The following ZNF777 variants were observed in gnomAD, a reference collection of about 807,000 sequenced individuals.
The protein encoded by ZNF777 is zinc finger protein 777.
ZNF777 carries 7 observed loss-of-function variants against 72.1 expected under a neutral mutation model. That is an observed-to-expected ratio of 0.10 (90% CI 0.06 to 0.18). ZNF777 has a LOEUF of 0.18. ZNF777 is among the 10% of genes least tolerant of loss of function. ZNF777 has a pLI of 1.00. For missense variants in ZNF777, 828 were observed against 1,128.6 expected (o/e 0.73, Z 3.82); for synonymous variants, 545 against 483.5 (o/e 1.13, Z -1.67).
At chr7:149,438,406 C>A (rs146845898) in intron 4 of ZNF777, among the ~76,000 whole-genome samples, 1 of 152,184 alleles carries the variant, frequency 6.6e-6, no homozygotes, top group Admixed American at 6.5e-5. Context: ...AGAACATTCA[C>A]GTTTTGTTCC....
intron 4 of ZNF777, among the ~76,000 whole-genome samples, chr7:149,449,794 G>A (rs1799682080): frequency 6.6e-6 from 1 of 152,118 alleles, no homozygotes; most frequent in Non-Finnish European, 1.5e-5. Context: ...TCTGTCTGCA[G>A]GAAGGAACTC....
intron 3 of ZNF777, 100 bp downstream of exon 3, chr7:149,454,011 G>T: frequency 6.6e-7 from 1 of 1,522,078 alleles, no homozygotes; most frequent in Non-Finnish European, 8.9e-7. Flanking sequence ...CTCCTTGCTT[G>T]CAACTATTGG....
chr7:149,457,961 T>C (rs1157742672), intron 1 of ZNF777, among the ~76,000 whole-genome samples: 1 of 152,172 alleles, frequency 6.6e-6, no homozygotes, highest in Non-Finnish European at 1.5e-5. Context: ...CTTGAGGCCT[T>C]AACTGTCAAC....
Position 149,432,949 on chromosome 7 carries a change from G to A in ZNF777, c.1340-17C>T, listed in dbSNP as rs373033641. 1.4e-6 allele frequency: 2 copies of A among 1,455,714 alleles called. No individual in the cohort carries two copies. Among genetic ancestry groups the A allele is most frequent in the Non-Finnish European group, 1.8e-6 (2 of 1,100,910 alleles). 90.2% of individuals were successfully genotyped at this position (1,455,714 alleles called of 1,614,324 possible). ...CGATCCCCTCTGCTCCAGGGACAGA[G>A]AGAGAAAGTCGTTAGCTGCTGCCTG... On this transcript the variant is annotated splice_polypyrimidine_tract_variant and intron_variant, in intron 5 of 5. Coordinates refer to ENST00000247930, the MANE Select transcript of ZNF777 (RefSeq NM_015694.3).
intron 1 of ZNF777, among the ~76,000 whole-genome samples, chr7:149,458,160 G>A (rs1408073253): frequency 6.6e-6 from 1 of 152,168 alleles, no homozygotes; most frequent in Non-Finnish European, 1.5e-5. Context: ...AAAACCTAAT[G>A]AAAGTTTTGG....
chr7:149,433,122 C>A (rs1389219962), intron 5 of ZNF777, among the ~76,000 whole-genome samples, 190 bp from the exon 6 acceptor site: 1 of 152,256 alleles, frequency 6.6e-6, no homozygotes, highest in Non-Finnish European at 1.5e-5. Context: ...AGACGCGTAA[C>A]CCAGACTGGC....
At chr7:149,447,120 T>C (rs1030356047) in intron 4 of ZNF777, among the ~76,000 whole-genome samples, 1 of 152,166 alleles carries the variant, frequency 6.6e-6, no homozygotes, top group Admixed American at 6.5e-5. Context: ...GAAAATCACC[T>C]TGGAAGCTAA....
At chr7:149,437,481 C>T (rs1799433716) in intron 4 of ZNF777, among the ~76,000 whole-genome samples, 1 of 152,178 alleles carries the variant, frequency 6.6e-6, no homozygotes, top group Non-Finnish European at 1.5e-5. Flanking sequence ...TGCATGTACA[C>T]CATGGGCATT....
chr7:149,459,975 C>G, intron 1 of ZNF777: 1 of 911,550 alleles, frequency 1.1e-6, no homozygotes, highest in Non-Finnish European at 1.3e-6. Flanking sequence ...CGCGCGGGCC[C>G]CCTCCAGGGC....
In ZNF777 at chr7:149,432,302, G is replaced by A. The variant is rs1312507334; in HGVS notation, c.1970C>T (p.Thr657Met). The change falls in exon 6 of 6, where the codon ACG (threonine) becomes ATG (methionine). Residue 657 changes from threonine to methionine, a missense_variant. By Grantham distance (81) the Thr-to-Met change is moderately conservative. Around this residue, in one of 12 missense-constraint regions of ZNF777, gnomAD observed 26 missense variants for 62.1 expected, o/e 0.42. Coordinates refer to ENST00000247930, the MANE Select transcript of ZNF777 (RefSeq NM_015694.3). ...CGTGTAGGGCCGCTCACCCGTGTGC[G>A]TGATCTGGTGTTTGGTCAGGCTGGA... ...HKSSLTKHQI[T>M]HTGERPYTCP... 1 of 1,609,306 alleles carries A rather than the reference G, an allele frequency of 6.2e-7. No homozygotes were observed. The highest frequency in any genetic ancestry group is 1.1e-5 in the South Asian group (1 of 91,056).
chr7:149,455,809 G>A lies in ZNF777; in HGVS notation c.214C>T (p.Pro72Ser). The A allele has an allele frequency of 6.2e-7, 1 of 1,612,816 alleles. No individual in the cohort carries two copies. Among genetic ancestry groups the A allele is most frequent in the Non-Finnish European group, 8.5e-7 (1 of 1,179,028 alleles). The change falls in exon 2 of 6, where the codon CCA (proline) becomes TCA (serine). Residue 72 changes from proline to serine, a missense_variant. Pro to Ser is a moderately conservative substitution (Grantham distance 74). Around this residue, in one of 12 missense-constraint regions of ZNF777, gnomAD observed 222 missense variants for 211.2 expected, o/e 1.05. Coordinates refer to ENST00000247930, the MANE Select transcript of ZNF777 (RefSeq NM_015694.3). This position sits in a 1 kb window ranked among gnomAD's most constrained non-coding sequence, Gnocchi z 4.2. ...APKQETSGRM[P>S]HVLQKGPSLL... ...GAGGGTCCCTTCTGGAGCACATGTGGCATCCGGCCAGAAGTCTCTTGCTTG... is the reference window on the plus strand; with the variant it reads ...GAGGGTCCCTTCTGGAGCACATGTGACATCCGGCCAGAAGTCTCTTGCTTG...
chr7:149,456,045 C>G lies in ZNF777; in HGVS notation c.-15-8G>C. The G allele has an allele frequency of 6.6e-7, 1 of 1,521,424 alleles. No homozygotes were observed. The highest frequency in any genetic ancestry group is 1.3e-5 in the South Asian group (1 of 75,588). The allele number at this position is 1,521,424 out of a possible 1,614,324, so 94.2% of individuals were successfully genotyped here. A position where few individuals can be genotyped will look rare whatever the true frequency, so the allele number is the denominator to read the frequency against. ...CATGTCCAGCTGCTGAACCTGTGTT[C>G]ATGGAAGAAAGGAAAAGAGGATTAA... On this transcript the variant is annotated splice_region_variant and splice_polypyrimidine_tract_variant and intron_variant, in intron 1 of 5. Transcript: ENST00000247930.
rs763351819 is a variant in ZNF777, at chr7:149,432,421, G to C, written c.1851C>G (p.Leu617=). 42 of 1,613,282 alleles carry C rather than the reference G, an allele frequency of 2.6e-5. No homozygotes were observed. In the African/African-American group the frequency reaches 5.3e-4, roughly 21 times the overall value. Residue 617 remains leucine (L), a synonymous_variant, in exon 6 of 6, where the codon CTC becomes CTG. Coordinates refer to ENST00000247930, the MANE Select transcript of ZNF777 (RefSeq NM_015694.3). Reference sequence around the variant, plus strand: ...AGCTGGGTGACTTGGGACGCGGCTTGAGCGCGTGCTTGGGGTTGAACGTGG... The same window carrying C: ...AGCTGGGTGACTTGGGACGCGGCTTCAGCGCGTGCTTGGGGTTGAACGTGG... ...RGPTFNPKHA[L]KPRPKSPSSG... is the part of the protein sequence containing the mutation.
At chr7:149,449,546 T>A (rs934939904) in intron 4 of ZNF777, among the ~76,000 whole-genome samples, 4 of 152,210 alleles carry the variant, frequency 2.6e-5, no homozygotes, top group Non-Finnish European at 5.9e-5. Flanking sequence ...GGACAGCAGA[T>A]TGTATTTTAG....
chr7:149,440,068 C>T lies in ZNF777; in HGVS notation c.1088-3242G>A, dbSNP rs147073656. 9.9e-5 allele frequency among the ~76,000 whole-genome samples: 15 copies of T among 152,250 alleles called. No homozygotes were observed. The East Asian group carries it at 2.7e-3, about 27-fold the overall frequency. On this transcript the variant is annotated intron_variant, in intron 4 of 5. Transcript: ENST00000247930. ...GAAGCTTTGTTATGGAACTGTCACT[C>T]AATTCTGAACTTCTGAATTATATGC...
At chr7:149,459,931 G>A in intron 1 of ZNF777, 2 of 946,664 alleles carry the variant, frequency 2.1e-6, no homozygotes, top group Non-Finnish European at 2.5e-6. Context: ...ACGGCGGCGA[G>A]GCCCGTAGCC....
chr7:149,448,579 C>CTATATATATATATATATATATATATA (rs57860880), intron 4 of ZNF777, among the ~76,000 whole-genome samples: 1 of 115,102 alleles, frequency 8.7e-6, no homozygotes, highest in East Asian at 2.2e-4. Flanking sequence ...ATACATATAA[C>CTATATATATATATATATATATATATA]TATATATATA....
Position 149,436,555 on chromosome 7 carries a change from C to A in ZNF777, c.1339+20G>T. ...GGCCTCATGGCAACCCTTCCCCGGCCGTCCCCGCCCAGCACTCACCCGTGC... is the reference window on the plus strand; with the variant it reads ...GGCCTCATGGCAACCCTTCCCCGGCAGTCCCCGCCCAGCACTCACCCGTGC... On this transcript the variant is annotated intron_variant, in intron 5 of 5. Coordinates refer to ENST00000247930, the MANE Select transcript of ZNF777 (RefSeq NM_015694.3). The surrounding 1 kb of genome is among the most constrained non-coding windows in gnomAD (Gnocchi z 5.0). 6.4e-7 allele frequency: 1 copy of A among 1,571,708 alleles called. No homozygotes were observed. The highest frequency in any genetic ancestry group is 1.1e-5 in the South Asian group (1 of 88,608).
At position 149,434,860 on chromosome 7, in the gene ZNF777, T is replaced by A. The variant is rs145116809; in HGVS notation, c.1339+1715A>T. On this transcript the variant is annotated intron_variant, in intron 5 of 5. Coordinates refer to ENST00000247930, the MANE Select transcript of ZNF777 (RefSeq NM_015694.3). ...GCCCCAGCTTCCCAAACTGCTGGGATTATAGGCATGAGCCACCGCTCCTGG... is the reference window on the plus strand; with the variant it reads ...GCCCCAGCTTCCCAAACTGCTGGGAATATAGGCATGAGCCACCGCTCCTGG... 7.5e-4 allele frequency among the ~76,000 whole-genome samples: 115 copies of A among 152,326 alleles called. 1 individual carries two copies. The East Asian group carries it at 0.016, about 21-fold the overall frequency.
Sources: gnomAD v4.1 joint callset for allele counts (sites outside exome capture counted in the v4.1 genomes callset) on GRCh38, gnomAD v4.1.1 for gene constraint, gnomAD v4.1.1 regional missense constraint, Gnocchi (gnomAD v3.1) non-coding constraint, MANE v1.5 for transcripts, NCBI Gene and HGNC (gene_info 2026-07-23, HGNC 2026-07-21) for gene names.